SAMD12: variants seen among roughly 807,000 people sequenced by gnomAD.
SAMD12 encodes the protein sterile alpha motif domain containing 12, also known as sterile alpha motif domain-containing protein 12.
In SAMD12, 9 loss-of-function variants were observed where a neutral mutation model predicts 15.0. The observed-to-expected ratio is 0.60, with a 90% CI of 0.36 to 1.05. SAMD12 has a LOEUF of 1.05. Ranked by LOEUF, SAMD12 falls within the 50% of genes least tolerant of loss-of-function variation. The probability of loss-of-function intolerance (pLI) is 0.01; values close to 1 mark genes in which losing one functional copy is unlikely to be tolerated. For missense variants in SAMD12, 230 were observed against 234.2 expected (o/e 0.98, Z 0.12); for synonymous variants, 86 against 90.1 (o/e 0.96, Z 0.25).
chr8:118,247,571 T>A (rs1812725601), intron 4 of SAMD12, among the ~76,000 whole-genome samples: 1 of 151,832 alleles, frequency 6.6e-6, no homozygotes. Flanking sequence ...AAAAAAACTT[T>A]AAAAATTTTA....
Position 118,573,674 on chromosome 8 carries a change from C to A in SAMD12, c.192+7041G>T, listed in dbSNP as rs75809873. On this transcript the variant is annotated intron_variant, in intron 2 of 3. Transcript: ENST00000314727. Reference sequence around the variant, plus strand: ...TGTGTGGCTAATATGCCACTTGTACCAATCCAGAAAAGCATTCCCTTGATA... The same window carrying A: ...TGTGTGGCTAATATGCCACTTGTACAAATCCAGAAAAGCATTCCCTTGATA... Among the ~76,000 whole-genome samples, 932 of 152,236 alleles carry A rather than the reference C, an allele frequency of 6.1e-3. 2 individuals carry two copies. Among genetic ancestry groups the A allele is most frequent in the African/African-American group, 0.021 (869 of 41,532 alleles).
intron 2 of SAMD12, among the ~76,000 whole-genome samples, chr8:118,492,307 GGTT>G (rs908775045): frequency 2.6e-5 from 4 of 151,750 alleles, no homozygotes; most frequent in Non-Finnish European, 5.9e-5. Context: ...AAAAAAATTG[GGTT>G]GTTTCTACTT....
intron 4 of SAMD12, among the ~76,000 whole-genome samples, chr8:118,324,814 A>C (rs1455649523): frequency 6.6e-6 from 1 of 152,204 alleles, no homozygotes; most frequent in Admixed American, 6.5e-5. Flanking sequence ...CTGGGGGAGA[A>C]GATGAGAATG....
intron 2 of SAMD12, among the ~76,000 whole-genome samples, chr8:118,459,294 G>C (rs1043756153): frequency 1.3e-5 from 2 of 152,104 alleles, no homozygotes; most frequent in African/African-American, 2.4e-5. Context: ...TCAAATTCCT[G>C]ACCTCAAGTG....
Position 118,437,591 on chromosome 8 carries a change from G to T in SAMD12, c.322+2241C>A, listed in dbSNP as rs1033777976. On this transcript the variant is annotated intron_variant, in intron 3 of 3. Transcript: ENST00000314727. ...GCCAGGTACTATTTTCTTTATTTTGGAGATGAGGTAGTGAGGTTAAGTAAC... is the reference window on the plus strand; with the variant it reads ...GCCAGGTACTATTTTCTTTATTTTGTAGATGAGGTAGTGAGGTTAAGTAAC... Among the ~76,000 whole-genome samples the T allele has an allele frequency of 3.8e-4, 57 of 151,992 alleles. 1 individual carries two copies. The highest frequency in any genetic ancestry group is 1.2e-3 in the African/African-American group (51 of 41,360).
At chr8:118,483,789 T>G (rs1352850310) in intron 2 of SAMD12, among the ~76,000 whole-genome samples, 1 of 152,140 alleles carries the variant, frequency 6.6e-6, no homozygotes, top group Non-Finnish European at 1.5e-5. Flanking sequence ...GTGCTTTAAT[T>G]TTTAGAATAA....
chr8:118,138,620 A>G, the SAMD12 span, among the ~76,000 whole-genome samples: 4 of 152,342 alleles, frequency 2.6e-5, no homozygotes, highest in Admixed American at 6.5e-5. Flanking sequence ...TTGTAAGCCA[A>G]CTAATCTATG....
At chr8:118,359,956 T>C (rs1232447668) in intron 4 of SAMD12, among the ~76,000 whole-genome samples, 1 of 152,150 alleles carries the variant, frequency 6.6e-6, no homozygotes, top group African/African-American at 2.4e-5. Flanking sequence ...ATATATAGCA[T>C]ATAATAAGTG....
chr8:118,621,702 C>G (rs1828412433), intron 1 of SAMD12, 102 bp downstream of exon 1: 1 of 1,364,556 alleles, frequency 7.3e-7, no homozygotes. Flanking sequence ...CTCCGCCACC[C>G]CCTTTCCTCG....
chr8:118,309,392 GTGTGTGTGTGTGTGTA>G (rs984528163), intron 4 of SAMD12, among the ~76,000 whole-genome samples: 8 of 151,522 alleles, frequency 5.3e-5, no homozygotes, highest in Non-Finnish European at 1.2e-4. Context: ...GTGTGTGTGT[GTGTGTGTGTGTGTGTA>G]TGTGTATTAT....
chr8:118,293,428 G>A (rs1344440476), intron 4 of SAMD12, among the ~76,000 whole-genome samples: 1 of 152,164 alleles, frequency 6.6e-6, no homozygotes, highest in Non-Finnish European at 1.5e-5. Flanking sequence ...CACATTAGTG[G>A]TGACACAGGC....
In SAMD12 at chr8:118,394,492, C is replaced by T. The variant is rs1378319004; in HGVS notation, c.323-14792G>A. Among the ~76,000 whole-genome samples the T allele has an allele frequency of 5.9e-5, 9 of 152,258 alleles. 1 individual carries two copies. The highest frequency in any genetic ancestry group is 3.4e-3 in the Middle Eastern group (1 of 294). On this transcript the variant is annotated intron_variant, in intron 3 of 3. Coordinates refer to ENST00000314727, the MANE Select transcript of SAMD12 (RefSeq NM_207506.3). ...TGTATTGCCAAAATCCTGGACATTG[C>T]TTAATAAACTAGTGAAATAATATTT... is the stretch of plus-strand genomic sequence containing the variant.
intron 4 of SAMD12, among the ~76,000 whole-genome samples, chr8:118,216,079 C>T (rs1202957456): frequency 1.3e-5 from 2 of 151,722 alleles, no homozygotes; most frequent in Non-Finnish European, 2.9e-5. Flanking sequence ...ACAGTCCCAC[C>T]AGCAGTGTAA....
At chr8:118,474,122 A>G (rs111435220) in intron 2 of SAMD12, among the ~76,000 whole-genome samples, 3,243 of 151,392 alleles carry the variant, frequency 0.021, 105 homozygotes, top group African/African-American at 0.075. Context: ...CCCCATGCTC[A>G]GCTAATTTTT....
intron 2 of SAMD12, among the ~76,000 whole-genome samples, chr8:118,486,231 G>A (rs184493764): frequency 2.8e-3 from 424 of 151,318 alleles, no homozygotes; most frequent in Non-Finnish European, 4.1e-3. Flanking sequence ...TGGCTAACAC[G>A]GTGAAACTCC....
intron 4 of SAMD12, among the ~76,000 whole-genome samples, chr8:118,226,584 T>C (rs1812193485): frequency 6.6e-6 from 1 of 152,170 alleles, no homozygotes; most frequent in Non-Finnish European, 1.5e-5. Flanking sequence ...TCAGCAAACA[T>C]TTATGGAGGA....
chr8:118,279,993 A>G (rs989249962), intron 4 of SAMD12, among the ~76,000 whole-genome samples: 3 of 152,210 alleles, frequency 2.0e-5, no homozygotes, highest in Non-Finnish European at 4.4e-5. Flanking sequence ...TCTAAAGAAC[A>G]CTACTGAGAT....
At chr8:118,318,321 TA>T in intron 4 of SAMD12, among the ~76,000 whole-genome samples, 1 of 10,602 alleles carries the variant, frequency 9.4e-5, no homozygotes, top group South Asian at 4.0e-3. Flanking sequence ...TATATATATA[TA>T]TATATATATA....
intron 2 of SAMD12, among the ~76,000 whole-genome samples, chr8:118,483,358 A>T (rs1268258718): frequency 6.6e-6 from 1 of 152,200 alleles, no homozygotes; most frequent in Admixed American, 6.5e-5. Flanking sequence ...TTTGTACACC[A>T]AAAAAGACTG....
Sources: allele counts gnomAD v4.1 joint callset (sites outside exome capture counted in the v4.1 genomes callset), GRCh38; gene constraint gnomAD v4.1.1; transcripts MANE v1.5; gene names NCBI Gene and HGNC (gene_info 2026-07-23, HGNC 2026-07-21).